HMCN1: variants seen among roughly 807,000 people sequenced by gnomAD.
The protein encoded by HMCN1 is hemicentin-1.
A neutral mutation model predicts 625.9 loss-of-function variants in HMCN1; 321 were observed. That is an observed-to-expected ratio of 0.51 (90% CI 0.47 to 0.56). The LOEUF (loss-of-function observed/expected upper bound fraction) is 0.56, where lower values mean the gene tolerates loss of function less well. HMCN1 is among the 20% of genes least tolerant of loss of function. HMCN1 has a pLI of 0.00. For missense variants in HMCN1, 6,588 were observed against 6,887.3 expected (o/e 0.96, Z 1.54); for synonymous variants, 2,425 against 2,417.6 (o/e 1.00, Z -0.09).
intron 1 of HMCN1, among the ~76,000 whole-genome samples, chr1:185,758,352 C>T (rs1037693221): frequency 1.3e-5 from 2 of 152,044 alleles, no homozygotes; most frequent in African/African-American, 4.8e-5. Flanking sequence ...AAACCTCTTC[C>T]AGGCCAGGTG....
intron 2 of HMCN1, among the ~76,000 whole-genome samples, chr1:185,847,602 C>T (rs1661901649): frequency 6.6e-6 from 1 of 152,114 alleles, no homozygotes; most frequent in Admixed American, 6.6e-5. Context: ...ATCTCAATTC[C>T]TTGGCTTTCT....
chr1:185,812,801 C>T (rs1034201326), intron 1 of HMCN1, among the ~76,000 whole-genome samples: 3 of 149,124 alleles, frequency 2.0e-5, no homozygotes, highest in African/African-American at 7.7e-5. Flanking sequence ...GTTTGCAATC[C>T]CCCCCCACAC....
chr1:186,126,822 G>A (rs1331720416), intron 82 of HMCN1, among the ~76,000 whole-genome samples: 5 of 152,110 alleles, frequency 3.3e-5, no homozygotes, highest in African/African-American at 1.2e-4. Flanking sequence ...AGAATCCATT[G>A]CAGGTTTTTG....
chr1:185,941,729 G>T (rs1363168642), intron 11 of HMCN1, among the ~76,000 whole-genome samples: 1 of 152,262 alleles, frequency 6.6e-6, no homozygotes, highest in Non-Finnish European at 1.5e-5. Context: ...TCATGTTTCA[G>T]TTACTTTTGC....
chr1:185,755,739 G>T (rs1489652237), intron 1 of HMCN1, among the ~76,000 whole-genome samples: 1 of 152,182 alleles, frequency 6.6e-6, no homozygotes, highest in Non-Finnish European at 1.5e-5. Context: ...AGTGAGAAGG[G>T]ATTAGGAATT....
At chr1:186,007,048 A>G in intron 29 of HMCN1, 80 bp from the exon 30 acceptor site, 3 of 1,045,214 alleles carry the variant, frequency 2.9e-6, no homozygotes, top group Non-Finnish European at 4.5e-6. Flanking sequence ...TTTAGCCTGT[A>G]CTAATGATTT....
chr1:186,023,343 T>G (rs1196349248), intron 36 of HMCN1, among the ~76,000 whole-genome samples, 190 bp downstream of exon 36: 2 of 152,054 alleles, frequency 1.3e-5, no homozygotes, highest in East Asian at 3.9e-4. Context: ...TAGGATCTTC[T>G]GTTTTCAGGT....
At chr1:186,143,284 T>G (rs1188649318) in intron 89 of HMCN1, among the ~76,000 whole-genome samples, 1 of 152,236 alleles carries the variant, frequency 6.6e-6, no homozygotes, top group East Asian at 1.9e-4. Flanking sequence ...ACTCAGCCTT[T>G]GAGGCTCTTA....
chr1:185,795,556 T>G (rs1658314786), intron 1 of HMCN1, among the ~76,000 whole-genome samples: 1 of 152,218 alleles, frequency 6.6e-6, no homozygotes, highest in African/African-American at 2.4e-5. Flanking sequence ...CTACTTCTCA[T>G]AGGAATGTCC....
chr1:185,997,514 T>C lies in HMCN1; in HGVS notation c.3864T>C (p.Cys1288=), dbSNP rs374949796. The change falls in exon 25 of 107, where the codon TGT becomes TGC. Residue 1288 remains cysteine, a synonymous_variant. Transcript: ENST00000271588. ...RVANQRIEFP[C]PAKGTPKPTI... is the part of the protein sequence containing the mutation. ...CCAATCAACGCATTGAATTTCCATGTCCTGCAAAAGGTACGTAATACTGAA... is the reference window on the plus strand; with the variant it reads ...CCAATCAACGCATTGAATTTCCATGCCCTGCAAAAGGTACGTAATACTGAA... 6 of 1,606,546 alleles carry C rather than the reference T, an allele frequency of 3.7e-6. No homozygotes were observed. The highest frequency in any genetic ancestry group is 4.5e-5 in the East Asian group (2 of 44,766).
At chr1:186,022,918 A>T in intron 35 of HMCN1, 112 bp from the exon 36 acceptor site, 1 of 1,086,204 alleles carries the variant, frequency 9.2e-7, no homozygotes, top group Non-Finnish European at 1.4e-6. Flanking sequence ...AGATATTGGC[A>T]TGAAAATATT....
chr1:186,134,581 G>A (rs1361992001), intron 86 of HMCN1, among the ~76,000 whole-genome samples: 1 of 152,102 alleles, frequency 6.6e-6, no homozygotes, highest in Non-Finnish European at 1.5e-5. Context: ...TTTGCTAAGA[G>A]AGTCAAACCT....
intron 2 of HMCN1, among the ~76,000 whole-genome samples, chr1:185,855,292 C>T (rs973145889): frequency 4.6e-5 from 7 of 152,106 alleles, no homozygotes; most frequent in Non-Finnish European, 8.8e-5. Flanking sequence ...TAAAAAGATA[C>T]CGAATCCTTG....
chr1:186,065,414 A>G lies in HMCN1; in HGVS notation c.7690A>G (p.Ser2564Gly), dbSNP rs770242757. The G allele has an allele frequency of 1.9e-6, 3 of 1,604,648 alleles. No individual in the cohort carries two copies. The African/African-American group carries it at 4.0e-5, about 21-fold the overall frequency. The change falls in exon 49 of 107, where the codon AGT becomes GGT. Residue 2564 changes from serine to glycine, a missense_variant. Ser to Gly is a moderately conservative substitution (Grantham distance 56, BLOSUM62 0). Coordinates refer to ENST00000271588, the MANE Select transcript of HMCN1 (RefSeq NM_031935.3). ...AGCTGGCCACAAGAGCAGGAGCTTC[A>G]GTCTTAATGTATTTGGTAGGTGTGG... is the stretch of plus-strand genomic sequence containing the variant. ...SPAGHKSRSF[S>G]LNVFVSPTIA...
intron 1 of HMCN1, among the ~76,000 whole-genome samples, chr1:185,783,245 A>G (rs1431244636): frequency 6.6e-6 from 1 of 152,172 alleles, no homozygotes; most frequent in Non-Finnish European, 1.5e-5. Flanking sequence ...TTACCCATTC[A>G]TCTAATCTTT....
chr1:185,979,070 G>C (rs1031417367), intron 16 of HMCN1, among the ~76,000 whole-genome samples: 6 of 152,124 alleles, frequency 3.9e-5, no homozygotes, highest in Non-Finnish European at 7.4e-5. Flanking sequence ...TCAGTGTTCA[G>C]CTCTGTGGTG....
intron 22 of HMCN1, 126 bp downstream of exon 22, chr1:185,990,569 T>C (rs531980515): frequency 4.0e-4 from 304 of 763,284 alleles, no homozygotes; most frequent in South Asian, 3.5e-3. Context: ...AATTCACATG[T>C]ACATCTGAGT....
chr1:186,094,176 C>A lies in HMCN1; in HGVS notation c.10197-100C>A, dbSNP rs1463661039. The A allele has an allele frequency of 2.7e-5, 26 of 949,300 alleles. No homozygotes were observed. The East Asian group carries it at 5.9e-4, about 21-fold the overall frequency. The allele number at this position is 949,300 out of a possible 1,614,324, so 58.8% of individuals were successfully genotyped here. A position where few individuals can be genotyped will look rare whatever the true frequency, so the allele number is the denominator to read the frequency against. Reference sequence around the variant, plus strand: ...AAGCTTCATAATTAAAATTTCCCAACATAAATCACCACCTATAGCCTATTT... The same window carrying A: ...AAGCTTCATAATTAAAATTTCCCAAAATAAATCACCACCTATAGCCTATTT... On this transcript the variant is annotated intron_variant, in intron 66 of 106. Transcript: ENST00000271588.
intron 4 of HMCN1, 55 bp from the exon 5 acceptor site, chr1:185,909,282 T>C: frequency 1.4e-6 from 2 of 1,392,590 alleles, no homozygotes; most frequent in Non-Finnish European, 2.0e-6. Context: ...ACAGCAATGA[T>C]ATAAAACTGC....
Sources: allele counts gnomAD v4.1 joint callset (sites outside exome capture counted in the v4.1 genomes callset), GRCh38; gene constraint gnomAD v4.1.1; transcripts MANE v1.5; gene names NCBI Gene and HGNC (gene_info 2026-07-23, HGNC 2026-07-21).